Variants in DYTN observed in about 807,000 individuals in gnomAD.
The protein encoded by DYTN is dystrotelin.
In DYTN, 75 loss-of-function variants were observed where a neutral mutation model predicts 69.6. The observed-to-expected ratio is 1.08, with a 90% CI of 0.89 to 1.31. The LOEUF is 1.31. Among genes scored for constraint, DYTN ranks in the 50% most tolerant of loss-of-function variants. The pLI is 0.00. For missense variants in DYTN, 726 were observed against 688.4 expected (o/e 1.05, Z -0.61); for synonymous variants, 252 against 249.1 (o/e 1.01, Z -0.11).
At chr2:206,674,782 A>G (rs188531665) in intron 9 of DYTN, among the ~76,000 whole-genome samples, 1 of 152,128 alleles carries the variant, frequency 6.6e-6, no homozygotes, top group Non-Finnish European at 1.5e-5. Context: ...ACTTCCAATA[A>G]GAAAAAAATG....
chr2:206,651,856 C>T lies in DYTN; in HGVS notation c.1699G>A (p.Ala567Thr), dbSNP rs756737570. The change falls in exon 12 of 12, where the codon GCC (alanine) becomes ACC (threonine). Residue 567 changes from alanine (A) to threonine (T), a missense_variant. Ala to Thr is a moderately conservative substitution (Grantham distance 58). Coordinates refer to ENST00000452335, the MANE Select transcript of DYTN (RefSeq NM_001093730.1). Reference sequence around the variant, plus strand: ...GGCAAGGCAATTTGATCAACAAGGGCAGAGAAGGCCCTGCACACTCGCTGA... The same window carrying T: ...GGCAAGGCAATTTGATCAACAAGGGTAGAGAAGGCCCTGCACACTCGCTGA... Reference protein sequence around the residue: ...GAQRVCRAFSALVDQIALPNL... With the variant: ...GAQRVCRAFSTLVDQIALPNL... The T allele has an allele frequency of 6.2e-7, 1 of 1,613,670 alleles. No individual in the cohort carries two copies. The highest frequency in any genetic ancestry group is 1.7e-5 in the Admixed American group (1 of 60,016).
intron 8 of DYTN, 150 bp from the exon 9 acceptor site, chr2:206,693,473 G>A (rs999450648): frequency 1.3e-5 from 14 of 1,068,554 alleles, no homozygotes; most frequent in Non-Finnish European, 1.7e-5. Flanking sequence ...TCTTGTCCCT[G>A]AATTTCTTCA....
chr2:206,663,041 T>C lies in DYTN; in HGVS notation c.1495A>G (p.Met499Val). ...QDIPKMVPAE[M>V]SSPALAAVEK... ...ACGGCTGCCAGAGCAGGACTGCTCA[T>C]TTCAGCAGGAACCATTTTGGGGATG... Residue 499 changes from methionine (M) to valine (V), a missense_variant, in exon 11 of 12, where the codon ATG (methionine) becomes GTG (valine). Coordinates refer to ENST00000452335, the MANE Select transcript of DYTN (RefSeq NM_001093730.1). 1 of 1,613,934 alleles carries C rather than the reference T, an allele frequency of 6.2e-7. No individual in the cohort carries two copies.
intron 5 of DYTN, 49 bp downstream of exon 5, chr2:206,704,794 G>T: frequency 6.7e-7 from 1 of 1,488,628 alleles, no homozygotes; most frequent in Non-Finnish European, 9.3e-7. Flanking sequence ...TAATAAATGT[G>T]GCAAATTAAC....
chr2:206,715,872 G>C (rs1480039322), intron 1 of DYTN, among the ~76,000 whole-genome samples: 1 of 152,108 alleles, frequency 6.6e-6, no homozygotes, highest in Non-Finnish European at 1.5e-5. Context: ...GGTGGATAAC[G>C]AGGTCAGGAG....
chr2:206,676,142 AG>A (rs1271062622), intron 9 of DYTN, among the ~76,000 whole-genome samples: 1 of 152,256 alleles, frequency 6.6e-6, no homozygotes, highest in Non-Finnish European at 1.5e-5. Flanking sequence ...GGTTTAATGC[AG>A]CACTATTCAC....
intron 10 of DYTN, among the ~76,000 whole-genome samples, chr2:206,665,245 T>C (rs1010551548): frequency 6.6e-6 from 1 of 152,218 alleles, no homozygotes; most frequent in Non-Finnish European, 1.5e-5. Context: ...TATAGAGCAA[T>C]GCCACTCTTC....
At chr2:206,707,214 A>C in intron 3 of DYTN, 88 bp downstream of exon 3, 2 of 1,480,302 alleles carry the variant, frequency 1.4e-6, no homozygotes, top group Non-Finnish European at 1.8e-6. Flanking sequence ...CCAAACCTCA[A>C]GCAAATATTA....
chr2:206,700,119 T>C, intron 6 of DYTN, 26 bp downstream of exon 6: 1 of 1,613,050 alleles, frequency 6.2e-7, no homozygotes, highest in Non-Finnish European at 8.5e-7. Context: ...TGTCCCCAAC[T>C]CCAGGGACAT....
At chr2:206,707,876 T>G (rs1700042711) in intron 2 of DYTN, among the ~76,000 whole-genome samples, 1 of 152,230 alleles carries the variant, frequency 6.6e-6, no homozygotes, top group South Asian at 2.1e-4. Flanking sequence ...ATTTTTATAC[T>G]CTTCATTAAG....
At position 206,666,125 on chromosome 2, in the gene DYTN, A is replaced by C; in HGVS notation, c.981-96T>G. On this transcript the variant is annotated intron_variant, in intron 9 of 11. Transcript: ENST00000452335. ...ATGTATTCCGGTCCTTTTTGTGGGA[A>C]AAGATGCTGGAAAACCCTGTGTCTC... 7 of 1,460,678 alleles carry C rather than the reference A, an allele frequency of 4.8e-6. No individual in the cohort carries two copies. In the South Asian group the frequency reaches 9.7e-5, roughly 20 times the overall value. 90.5% of individuals were successfully genotyped at this position (1,460,678 alleles called of 1,614,324 possible).
intron 1 of DYTN, among the ~76,000 whole-genome samples, chr2:206,712,312 T>A (rs561292656): frequency 6.6e-6 from 1 of 152,104 alleles, no homozygotes; most frequent in Non-Finnish European, 1.5e-5. Flanking sequence ...TAAAGGGAAT[T>A]TATTGCTTCT....
intron 7 of DYTN, among the ~76,000 whole-genome samples, chr2:206,697,317 T>C (rs1699930084): frequency 2.0e-5 from 3 of 152,202 alleles, no homozygotes; most frequent in Admixed American, 1.3e-4. Context: ...CAACCTTCCA[T>C]GGCTATCACA....
intron 11 of DYTN, among the ~76,000 whole-genome samples, chr2:206,662,599 G>A (rs1362438161): frequency 6.6e-6 from 1 of 150,862 alleles, no homozygotes; most frequent in African/African-American, 2.4e-5. Flanking sequence ...TATGATTTAG[G>A]GATACTGATA....
At chr2:206,717,475 C>A (rs1285024248) in intron 1 of DYTN, among the ~76,000 whole-genome samples, 1 of 152,130 alleles carries the variant, frequency 6.6e-6, no homozygotes, top group Non-Finnish European at 1.5e-5. Context: ...ATTAACAAAC[C>A]TTTCAGGTGA....
At chr2:206,691,756 T>C (rs1208330444) in intron 9 of DYTN, among the ~76,000 whole-genome samples, 1 of 152,120 alleles carries the variant, frequency 6.6e-6, no homozygotes, top group Non-Finnish European at 1.5e-5. Flanking sequence ...ACTTTATCCT[T>C]TAAAGAGCCA....
At chr2:206,710,101 G>T (rs1700065796) in intron 2 of DYTN, among the ~76,000 whole-genome samples, 1 of 151,984 alleles carries the variant, frequency 6.6e-6, no homozygotes, top group Non-Finnish European at 1.5e-5. Flanking sequence ...TAGATTATAG[G>T]TACAACTTGA....
At position 206,718,158 on chromosome 2, in the gene DYTN, C is replaced by A. The variant is rs1700145778; in HGVS notation, c.19+103G>T. 5 of 1,258,588 alleles carry A rather than the reference C, an allele frequency of 4.0e-6. No homozygotes were observed. In the South Asian group the frequency reaches 9.0e-5, roughly 23 times the overall value. 78.0% of individuals were successfully genotyped at this position (1,258,588 alleles called of 1,614,324 possible). On this transcript the variant is annotated intron_variant, in intron 1 of 11. Transcript: ENST00000452335. ...AGTTTCTTTTTCAGCCAGAAATTTG[C>A]CAAATGTTTACTCTTCTTCAAATCA...
At chr2:206,713,582 T>C (rs1475490378) in intron 1 of DYTN, among the ~76,000 whole-genome samples, 1 of 152,194 alleles carries the variant, frequency 6.6e-6, no homozygotes, top group Non-Finnish European at 1.5e-5. Context: ...TGAGGGCATG[T>C]TCACACATTT....
Sources: allele counts gnomAD v4.1 joint callset (sites outside exome capture counted in the v4.1 genomes callset), GRCh38; gene constraint gnomAD v4.1.1; transcripts MANE v1.5; gene names NCBI Gene and HGNC (gene_info 2026-07-23, HGNC 2026-07-21).